Variants in LOC128125817 observed in about 807,000 individuals in gnomAD.
the LOC128125817 span, among the ~76,000 whole-genome samples, chr1:41,596,700 G>A: frequency 6.6e-6 from 1 of 152,154 alleles, no homozygotes; most frequent in Admixed American, 6.5e-5. Context: ...TATAGATGGG[G>A]GCAGGGCTGA....
the LOC128125817 span, among the ~76,000 whole-genome samples, chr1:41,601,959 T>C: frequency 2.6e-5 from 4 of 152,226 alleles, no homozygotes; most frequent in African/African-American, 9.6e-5. Context: ...AAAGGGTGTG[T>C]TGAATTTTGT....
the LOC128125817 span, among the ~76,000 whole-genome samples, chr1:41,594,944 T>A: frequency 1.3e-5 from 2 of 152,208 alleles, no homozygotes; most frequent in Non-Finnish European, 2.9e-5. Context: ...TAAGTTTTTT[T>A]ACTCCCTAGC....
chr1:41,604,915 G>T, the LOC128125817 span, among the ~76,000 whole-genome samples: 1 of 152,024 alleles, frequency 6.6e-6, no homozygotes, highest in Admixed American at 6.5e-5. Flanking sequence ...ACCAGCTTGG[G>T]CAATGTAGGG....
the LOC128125817 span, among the ~76,000 whole-genome samples, chr1:41,593,807 G>C: frequency 1.9e-4 from 29 of 152,310 alleles, no homozygotes; most frequent in East Asian, 1.7e-3. Context: ...GTGGTCAGAC[G>C]TCTGAAATAG....
At chr1:41,599,664 G>A in the LOC128125817 span, among the ~76,000 whole-genome samples, 6 of 152,142 alleles carry the variant, frequency 3.9e-5, no homozygotes, top group Non-Finnish European at 5.9e-5. Flanking sequence ...CATCACATTG[G>A]ATTTGGCAGT....
chr1:41,606,407 T>C, the LOC128125817 span, among the ~76,000 whole-genome samples: 2 of 151,978 alleles, frequency 1.3e-5, no homozygotes, highest in Non-Finnish European at 2.9e-5. Context: ...AACAATTACA[T>C]TCTCATCGAC....
chr1:41,599,253 G>A, the LOC128125817 span, among the ~76,000 whole-genome samples: 10 of 152,056 alleles, frequency 6.6e-5, no homozygotes, highest in East Asian at 7.7e-4. Context: ...CACAGAAAAC[G>A]AATGTGAAAT....
At chr1:41,593,836 C>G in the LOC128125817 span, among the ~76,000 whole-genome samples, 12 of 152,222 alleles carry the variant, frequency 7.9e-5, no homozygotes, top group Non-Finnish European at 1.6e-4. Flanking sequence ...CGGCTAAAAG[C>G]AAGGTGTCAG....
At chr1:41,595,380 G>C in the LOC128125817 span, among the ~76,000 whole-genome samples, 6 of 152,184 alleles carry the variant, frequency 3.9e-5, no homozygotes, top group Non-Finnish European at 5.9e-5. Context: ...GGCCCACCCA[G>C]TCTTCCTGGC....
At chr1:41,615,986 A>C in the LOC128125817 span, among the ~76,000 whole-genome samples, 1 of 152,174 alleles carries the variant, frequency 6.6e-6, no homozygotes, top group East Asian at 1.9e-4. Flanking sequence ...CTCTCTGCTA[A>C]GATGACACTC....
the LOC128125817 span, among the ~76,000 whole-genome samples, chr1:41,612,924 T>C: frequency 6.6e-6 from 1 of 152,212 alleles, no homozygotes; most frequent in Admixed American, 6.5e-5. Context: ...ATGTTTCTTG[T>C]TTGCCACACA....
the LOC128125817 span, among the ~76,000 whole-genome samples, chr1:41,616,298 G>A: frequency 3.3e-5 from 5 of 152,228 alleles, no homozygotes; most frequent in African/African-American, 1.2e-4. Flanking sequence ...GGGCAGTGCT[G>A]TAGAATTAAG....
the LOC128125817 span, among the ~76,000 whole-genome samples, chr1:41,588,956 A>G: frequency 6.6e-6 from 1 of 152,190 alleles, no homozygotes; most frequent in Non-Finnish European, 1.5e-5. Context: ...GGGAACCTGC[A>G]GGACCTAAGG....
chr1:41,606,085 C>T, the LOC128125817 span, among the ~76,000 whole-genome samples: 2,123 of 149,752 alleles, frequency 0.014, 96 homozygotes, highest in African/African-American at 0.052. Flanking sequence ...GAATGCCAAA[C>T]CGTCCTCACT....
the LOC128125817 span, among the ~76,000 whole-genome samples, chr1:41,623,902 C>CA: frequency 1.7e-5 from 1 of 59,432 alleles, no homozygotes; most frequent in Admixed American, 1.5e-4. Context: ...GCATGCCGAT[C>CA]AGAGTGACGT....
the LOC128125817 span, among the ~76,000 whole-genome samples, chr1:41,587,595 G>GGT: frequency 6.6e-6 from 1 of 152,252 alleles, no homozygotes; most frequent in African/African-American, 2.4e-5. Context: ...ACTGTCTCTG[G>GGT]GTGTCTCATA....
At chr1:41,603,333 G>T in the LOC128125817 span, among the ~76,000 whole-genome samples, 1 of 151,906 alleles carries the variant, frequency 6.6e-6, no homozygotes, top group Non-Finnish European at 1.5e-5. Flanking sequence ...CTCCCAAAGC[G>T]CTGGGATTAC....
chr1:41,628,742 T>C, the LOC128125817 span: 1 of 1,232,054 alleles, frequency 8.1e-7, no homozygotes, highest in Non-Finnish European at 1.0e-6. Flanking sequence ...CAGCCCCCAT[T>C]TCCTACCTGT....
the LOC128125817 span, among the ~76,000 whole-genome samples, chr1:41,617,272 T>C: frequency 2.6e-4 from 40 of 152,246 alleles, no homozygotes; most frequent in Non-Finnish European, 5.0e-4. Flanking sequence ...ATAGGCCGGA[T>C]TTCCAGAAGT....
Sources: allele counts gnomAD v4.1 joint callset (sites outside exome capture counted in the v4.1 genomes callset), GRCh38; gene constraint gnomAD v4.1.1; transcripts MANE v1.5.